Variants in ABCC4 observed in about 807,000 individuals in gnomAD.
ABCC4 encodes the protein ATP binding cassette subfamily C member 4 (PEL blood group), also known as ATP-binding cassette sub-family C member 4.
Under a neutral mutation model 168.5 loss-of-function variants are expected in ABCC4, and 102 were observed. The observed-to-expected ratio is 0.61, with a 90% CI of 0.52 to 0.71. The LOEUF (loss-of-function observed/expected upper bound fraction) is 0.71, where lower values mean the gene tolerates loss of function less well. Ranked by LOEUF, ABCC4 falls within the 30% of genes least tolerant of loss-of-function variation. ABCC4 has a pLI of 0.00. For synonymous variants in ABCC4, 617 were observed against 590.7 expected (o/e 1.04, Z -0.65); for missense variants, 1,402 against 1,605.8 (o/e 0.87, Z 2.17).
intron 3 of ABCC4, among the ~76,000 whole-genome samples, chr13:95,246,352 A>C (rs1432458738): frequency 6.6e-6 from 1 of 152,148 alleles, no homozygotes; most frequent in Non-Finnish European, 1.5e-5. Context: ...GGCTCCCAGC[A>C]CCTGGGCCCA....
intron 19 of ABCC4, among the ~76,000 whole-genome samples, chr13:95,122,868 C>T (rs2035624672): frequency 6.6e-6 from 1 of 152,208 alleles, no homozygotes; most frequent in African/African-American, 2.4e-5. Context: ...AAATACAAAA[C>T]TTAGCCGGGC....
chr13:95,227,471 T>C (rs188559595), intron 4 of ABCC4, among the ~76,000 whole-genome samples: 6 of 152,316 alleles, frequency 3.9e-5, no homozygotes, highest in African/African-American at 1.4e-4. Flanking sequence ...TACTGGGTCA[T>C]TCTAATTTTG....
intron 21 of ABCC4, among the ~76,000 whole-genome samples, chr13:95,080,870 G>A (rs1448336565): frequency 6.6e-6 from 1 of 152,162 alleles, no homozygotes; most frequent in African/African-American, 2.4e-5. Context: ...GCACAAGGAT[G>A]AAGCTGGATT....
At chr13:95,142,969 G>A (rs72643607) in intron 19 of ABCC4, among the ~76,000 whole-genome samples, 9,316 of 152,186 alleles carry the variant, frequency 0.061, 311 homozygotes, top group Middle Eastern at 0.15. Flanking sequence ...TCATCACCAT[G>A]ATTTATGGGT....
At chr13:95,258,368 C>T (rs2040444501) in intron 1 of ABCC4, among the ~76,000 whole-genome samples, 1 of 152,184 alleles carries the variant, frequency 6.6e-6, no homozygotes, top group Middle Eastern at 3.2e-3. Flanking sequence ...TCCCGTTTGT[C>T]CCCTTGCGTG....
chr13:95,138,122 C>T (rs1278306631), intron 19 of ABCC4, among the ~76,000 whole-genome samples: 2 of 152,158 alleles, frequency 1.3e-5, no homozygotes, highest in Non-Finnish European at 2.9e-5. Context: ...CTGTTGCTGC[C>T]TTTCCACACA....
At chr13:95,219,419 G>A (rs1326065205) in intron 4 of ABCC4, among the ~76,000 whole-genome samples, 3 of 152,120 alleles carry the variant, frequency 2.0e-5, no homozygotes, top group South Asian at 4.2e-4. Context: ...ACAAATACAT[G>A]GTCTAGGGTT....
intron 21 of ABCC4, among the ~76,000 whole-genome samples, chr13:95,082,726 G>A (rs572273906): frequency 5.3e-5 from 8 of 151,914 alleles, no homozygotes; most frequent in Middle Eastern, 3.4e-3. Context: ...TAGTATCTTC[G>A]GGGAAAGATA....
At chr13:95,108,757 C>G (rs1329306261) in intron 20 of ABCC4, among the ~76,000 whole-genome samples, 1 of 151,980 alleles carries the variant, frequency 6.6e-6, no homozygotes, top group Non-Finnish European at 1.5e-5. Context: ...CTCAGCCTCC[C>G]AGGTAGCTGG....
At chr13:95,293,894 C>T (rs1388620777) in intron 1 of ABCC4, among the ~76,000 whole-genome samples, 1 of 151,710 alleles carries the variant, frequency 6.6e-6, no homozygotes, top group Non-Finnish European at 1.5e-5. Context: ...GATTCTCCTG[C>T]TCGGTCTCCC....
At chr13:95,135,002 A>G (rs774102020) in intron 19 of ABCC4, among the ~76,000 whole-genome samples, 2 of 152,208 alleles carry the variant, frequency 1.3e-5, no homozygotes, top group Non-Finnish European at 2.9e-5. Flanking sequence ...CATGGAAGAC[A>G]GCAAGTGACA....
At chr13:95,121,846 T>C (rs949250676) in intron 19 of ABCC4, among the ~76,000 whole-genome samples, 2 of 152,142 alleles carry the variant, frequency 1.3e-5, no homozygotes, top group African/African-American at 4.8e-5. Flanking sequence ...CTCTCAAACA[T>C]AGGGCCTTAC....
chr13:95,214,789 G>A (rs541708521), intron 4 of ABCC4, among the ~76,000 whole-genome samples: 1 of 151,414 alleles, frequency 6.6e-6, no homozygotes, highest in Non-Finnish European at 1.5e-5. Flanking sequence ...CGGAGGCTCA[G>A]GCAGGAAAAT....
chr13:95,074,376 G>T, intron 22 of ABCC4, 52 bp from the exon 23 acceptor site: 1 of 1,444,790 alleles, frequency 6.9e-7, no homozygotes, highest in Non-Finnish European at 9.6e-7. Context: ...GAATGTGCGA[G>T]TGTGTTTTGC....
chr13:95,271,051 C>A, intron 1 of ABCC4, among the ~76,000 whole-genome samples: 1 of 152,038 alleles, frequency 6.6e-6, no homozygotes, highest in East Asian at 1.9e-4. Context: ...GCCGAGATCG[C>A]GCCACTGCAC....
chr13:95,164,640 T>A, intron 15 of ABCC4, 122 bp from the exon 16 acceptor site: 9 of 982,020 alleles, frequency 9.2e-6, no homozygotes, highest in African/African-American at 1.6e-5. Context: ...ATCCATCTCC[T>A]GTGGAGAAGG....
chr13:95,249,954 G>A (rs2040212058), intron 1 of ABCC4, among the ~76,000 whole-genome samples: 1 of 152,154 alleles, frequency 6.6e-6, no homozygotes, highest in Admixed American at 6.6e-5. Context: ...GAGACCCAAA[G>A]CTTCTATTAG....
chr13:95,062,890 A>G, intron 25 of ABCC4, 31 bp from the exon 26 acceptor site: 1 of 1,458,240 alleles, frequency 6.9e-7, no homozygotes, highest in Non-Finnish European at 9.0e-7. Context: ...CAGGATTAAA[A>G]AAAAAAAGAA....
At chr13:95,135,406 GTCCATAA>G (rs2036114180) in intron 19 of ABCC4, among the ~76,000 whole-genome samples, 1 of 150,878 alleles carries the variant, frequency 6.6e-6, no homozygotes, top group Non-Finnish European at 1.5e-5. Context: ...ATATAATAAT[GTCCATAA>G]TTCTTTTTTT....
Sources: gnomAD v4.1 joint callset for allele counts (sites outside exome capture counted in the v4.1 genomes callset) on GRCh38, gnomAD v4.1.1 for gene constraint, MANE v1.5 for transcripts, NCBI Gene and HGNC (gene_info 2026-07-23, HGNC 2026-07-21) for gene names.